PPM1E: variants seen among roughly 807,000 people sequenced by gnomAD.
PPM1E encodes protein phosphatase, Mg2+/Mn2+ dependent 1E, also known as protein phosphatase 1E.
Under a neutral mutation model 65.9 loss-of-function variants are expected in PPM1E, and 20 were observed. The ratio of observed to expected loss-of-function variants is 0.30; its 90% CI spans 0.21 to 0.44. PPM1E has a LOEUF of 0.44. PPM1E is among the 20% of genes least tolerant of loss of function. The pLI, the probability that PPM1E is intolerant of heterozygous loss-of-function variation, is 1.00. For missense variants in PPM1E, 713 were observed against 953.1 expected (o/e 0.75, Z 3.32); for synonymous variants, 352 against 374.9 (o/e 0.94, Z 0.70).
chr17:58,916,282 G>A (rs1652441640), intron 1 of PPM1E, among the ~76,000 whole-genome samples: 1 of 152,172 alleles, frequency 6.6e-6, no homozygotes, highest in Non-Finnish European at 1.5e-5. Context: ...ACAATGTCTA[G>A]CACATAATAA....
At chr17:58,878,110 A>G (rs2143375398) in intron 1 of PPM1E, among the ~76,000 whole-genome samples, 1 of 152,206 alleles carries the variant, frequency 6.6e-6, no homozygotes, top group East Asian at 1.9e-4. Context: ...GTGGCTTTAC[A>G]TTACTTAGTT....
At chr17:58,972,497 T>A (rs570170600) in intron 5 of PPM1E, among the ~76,000 whole-genome samples, 5 of 152,206 alleles carry the variant, frequency 3.3e-5, no homozygotes, top group Admixed American at 6.5e-5. Flanking sequence ...ATTACAGGCA[T>A]GTGCCACCAC....
chr17:58,973,753 C>T (rs1360658991), intron 6 of PPM1E, among the ~76,000 whole-genome samples: 1 of 151,892 alleles, frequency 6.6e-6, no homozygotes, highest in Non-Finnish European at 1.5e-5. Context: ...GAGATGGAGA[C>T]CATCCTGGCT....
intron 1 of PPM1E, among the ~76,000 whole-genome samples, chr17:58,839,906 A>G (rs2050700946): frequency 6.6e-6 from 1 of 152,216 alleles, no homozygotes; most frequent in African/African-American, 2.4e-5. Context: ...TATAAAGTTT[A>G]GAAGTTTACA....
chr17:58,768,762 C>T (rs558406911), intron 1 of PPM1E, among the ~76,000 whole-genome samples: 31 of 152,230 alleles, frequency 2.0e-4, no homozygotes, highest in African/African-American at 6.5e-4. Flanking sequence ...CTCTGCCTCC[C>T]GGGTTAAAGT....
intron 1 of PPM1E, among the ~76,000 whole-genome samples, chr17:58,793,668 A>G (rs979430570): frequency 2.6e-5 from 4 of 151,762 alleles, no homozygotes; most frequent in Non-Finnish European, 4.4e-5. Flanking sequence ...AATATTTGTT[A>G]TTATGTTTAT....
At chr17:58,869,177 A>G (rs1160623435) in intron 1 of PPM1E, among the ~76,000 whole-genome samples, 1 of 152,202 alleles carries the variant, frequency 6.6e-6, no homozygotes, top group African/African-American at 2.4e-5. Flanking sequence ...CTCAACAACA[A>G]AAGTTTAAGT....
At chr17:58,842,852 C>A (rs914765918) in intron 1 of PPM1E, among the ~76,000 whole-genome samples, 7 of 152,176 alleles carry the variant, frequency 4.6e-5, no homozygotes, top group African/African-American at 1.7e-4. Flanking sequence ...GCAGAAGAAT[C>A]TCTTGAACCT....
intron 6 of PPM1E, among the ~76,000 whole-genome samples, chr17:58,973,344 G>A (rs904291794): frequency 3.3e-5 from 5 of 151,626 alleles, no homozygotes; most frequent in Non-Finnish European, 7.4e-5. Context: ...TTGAACCTGG[G>A]AAGCAGAGGT....
chr17:58,786,045 C>G lies in PPM1E; in HGVS notation c.464+29584C>G, dbSNP rs2050097208. Among the ~76,000 whole-genome samples, 6 of 145,216 alleles carry G rather than the reference C, an allele frequency of 4.1e-5. No homozygotes were observed. In the South Asian group the frequency reaches 1.3e-3, roughly 32 times the overall value. ...TTTTTTTTTTTTTGAGACAGAGTCTCACTCTGTCGCCCAGGCTGGAGTACA... is the reference window on the plus strand; with the variant it reads ...TTTTTTTTTTTTTGAGACAGAGTCTGACTCTGTCGCCCAGGCTGGAGTACA... On this transcript the variant is annotated intron_variant, in intron 1 of 6. Transcript: ENST00000308249.
At chr17:58,830,443 G>T (rs2050591405) in intron 1 of PPM1E, among the ~76,000 whole-genome samples, 1 of 151,702 alleles carries the variant, frequency 6.6e-6, no homozygotes, top group Non-Finnish European at 1.5e-5. Context: ...GAGTAGCTGG[G>T]ACTACAGGCA....
chr17:58,778,648 A>C (rs2050019088), intron 1 of PPM1E, among the ~76,000 whole-genome samples: 1 of 151,326 alleles, frequency 6.6e-6, no homozygotes, highest in East Asian at 1.9e-4. Flanking sequence ...GGGCTCAAGC[A>C]ATCTGCCCGC....
In PPM1E at chr17:58,981,556, T is replaced by C. The variant is rs552055651; in HGVS notation, c.*525T>C. 6.5e-6 allele frequency: 1 copy of C among 152,800 alleles called. No individual in the cohort carries two copies. Among genetic ancestry groups the C allele is most frequent in the East Asian group, 1.9e-4 (1 of 5,216 alleles). 9.5% of individuals were successfully genotyped at this position (152,800 alleles called of 1,614,324 possible). A position where few individuals can be genotyped will look rare whatever the true frequency, so the allele number is the denominator to read the frequency against. On this transcript the variant is annotated 3_prime_UTR_variant, in exon 7 of 7. Coordinates refer to ENST00000308249, the MANE Select transcript of PPM1E (RefSeq NM_014906.5). ...GGTAGGTAAAAGACTAAAAGCCATA[T>C]GGATTTTAACTGATAACAATGAAAG...
At chr17:58,930,278 CACACACAG>C (rs2051877478) in intron 1 of PPM1E, among the ~76,000 whole-genome samples, 5 of 151,534 alleles carry the variant, frequency 3.3e-5, no homozygotes, top group East Asian at 1.9e-4. Context: ...CACACACACA[CACACACAG>C]ACACACACAC....
chr17:58,779,851 A>T (rs2050034242), intron 1 of PPM1E, among the ~76,000 whole-genome samples: 1 of 152,158 alleles, frequency 6.6e-6, no homozygotes, highest in African/African-American at 2.4e-5. Flanking sequence ...ACATAATGTG[A>T]TTATTCTACT....
At chr17:58,859,189 G>T (rs1375435090) in intron 1 of PPM1E, among the ~76,000 whole-genome samples, 1 of 152,144 alleles carries the variant, frequency 6.6e-6, no homozygotes, top group Non-Finnish European at 1.5e-5. Context: ...GTTACAGTTT[G>T]CTACGTTTCA....
intron 1 of PPM1E, among the ~76,000 whole-genome samples, chr17:58,954,568 A>G (rs2029864794): frequency 6.6e-6 from 1 of 152,088 alleles, no homozygotes; most frequent in African/African-American, 2.4e-5. Context: ...TTCCTTAGAT[A>G]TAACAAGCTC....
intron 1 of PPM1E, among the ~76,000 whole-genome samples, chr17:58,768,091 C>T (rs1427530477): frequency 2.0e-5 from 3 of 152,082 alleles, no homozygotes; most frequent in Non-Finnish European, 4.4e-5. Flanking sequence ...GCTGGGATTA[C>T]AGGTGCCTGC....
At position 58,983,949 on chromosome 17, in the gene PPM1E, T is replaced by A. The variant is rs1049399013; in HGVS notation, c.*2918T>A. 3 of 152,670 alleles carry A rather than the reference T, an allele frequency of 2.0e-5. No individual in the cohort carries two copies. Among genetic ancestry groups the A allele is most frequent in the African/African-American group, 7.2e-5 (3 of 41,466 alleles). The allele number at this position is 152,670 out of a possible 1,614,324, so 9.5% of individuals were successfully genotyped here. ...TTTCAAAGGGAGTCAGTCCCTAATT[T>A]ACAGGTTTCCTTTGTTCACTTTCTA... On this transcript the variant is annotated 3_prime_UTR_variant, in exon 7 of 7. Coordinates refer to ENST00000308249, the MANE Select transcript of PPM1E (RefSeq NM_014906.5).
Sources: allele counts gnomAD v4.1 joint callset (sites outside exome capture counted in the v4.1 genomes callset), GRCh38; gene constraint gnomAD v4.1.1; transcripts MANE v1.5; gene names NCBI Gene and HGNC (gene_info 2026-07-23, HGNC 2026-07-21).